DLG2: variants seen among roughly 807,000 people sequenced by gnomAD.
DLG2 encodes the protein disks large homolog 2.
DLG2 carries 45 observed loss-of-function variants against 132.5 expected under a neutral mutation model. The ratio of observed to expected loss-of-function variants is 0.34; its 90% CI spans 0.27 to 0.44. The LOEUF is 0.44. Among genes scored for constraint, DLG2 ranks in the 20% least tolerant of loss-of-function variants. The pLI is 1.00. For synonymous variants in DLG2, 424 were observed against 419.6 expected (o/e 1.01, Z -0.13); for missense variants, 1,045 against 1,196.9 (o/e 0.87, Z 1.87).
At chr11:85,623,285 A>C (rs2081847674) in intron 2 of DLG2, among the ~76,000 whole-genome samples, 3 of 152,176 alleles carry the variant, frequency 2.0e-5, no homozygotes, top group African/African-American at 7.2e-5. Context: ...ACCAGTTTAA[A>C]AGAAGCTCCG....
intron 6 of DLG2, among the ~76,000 whole-genome samples, chr11:84,661,282 G>A (rs2099694192): frequency 1.3e-5 from 2 of 152,068 alleles, no homozygotes; most frequent in Non-Finnish European, 2.9e-5. Flanking sequence ...TAAAAATGAA[G>A]GCTGAAAGCA....
At chr11:83,491,172 A>T (rs2093822721) in intron 21 of DLG2, among the ~76,000 whole-genome samples, 1 of 150,820 alleles carries the variant, frequency 6.6e-6, no homozygotes, top group Admixed American at 6.6e-5. Context: ...TACTACTTCA[A>T]ATCTAACACC....
At chr11:85,225,755 C>G (rs1330061948) in intron 4 of DLG2, among the ~76,000 whole-genome samples, 2 of 152,086 alleles carry the variant, frequency 1.3e-5, no homozygotes, top group Non-Finnish European at 2.9e-5. Flanking sequence ...CAGAGGTAGT[C>G]TCAAACATCC....
At chr11:84,245,780 T>A (rs114299118) in intron 8 of DLG2, among the ~76,000 whole-genome samples, 17 of 152,344 alleles carry the variant, frequency 1.1e-4, no homozygotes, top group African/African-American at 3.8e-4. Context: ...AAGTACAAGA[T>A]TTTTTCTTTT....
At chr11:84,361,981 G>A (rs1397535325) in intron 7 of DLG2, among the ~76,000 whole-genome samples, 3 of 151,884 alleles carry the variant, frequency 2.0e-5, no homozygotes, top group Non-Finnish European at 4.4e-5. Flanking sequence ...GGGAAAATGG[G>A]AGAAAAGAAC....
chr11:85,616,954 G>T (rs2153275788), intron 2 of DLG2, among the ~76,000 whole-genome samples: 1 of 152,288 alleles, frequency 6.6e-6, no homozygotes, highest in South Asian at 2.1e-4. Context: ...TCAGAAGTAA[G>T]CTGTTTTATA....
intron 6 of DLG2, among the ~76,000 whole-genome samples, chr11:84,563,221 C>A (rs193175096): frequency 1.9e-3 from 290 of 152,260 alleles, no homozygotes; most frequent in African/African-American, 6.6e-3. Flanking sequence ...GACTTTTCAA[C>A]CACGTCTGAT....
chr11:83,901,886 A>AT (rs904819860), intron 15 of DLG2, among the ~76,000 whole-genome samples: 22 of 151,518 alleles, frequency 1.5e-4, no homozygotes, highest in Admixed American at 4.6e-4. Context: ...AGTCTTCATG[A>AT]TTTTTTTTTG....
intron 6 of DLG2, among the ~76,000 whole-genome samples, chr11:84,962,979 G>C (rs1002506363): frequency 6.6e-6 from 1 of 152,126 alleles, no homozygotes; most frequent in Non-Finnish European, 1.5e-5. Context: ...AGTAGTTAGA[G>C]AGACTCATTA....
chr11:84,014,173 A>G (rs2095047695), intron 11 of DLG2, among the ~76,000 whole-genome samples: 1 of 151,894 alleles, frequency 6.6e-6, no homozygotes, highest in Admixed American at 6.6e-5. Context: ...GTAATTATGT[A>G]ATTTGATTAA....
At chr11:83,854,662 G>T (rs1029046562) in intron 16 of DLG2, among the ~76,000 whole-genome samples, 11 of 152,204 alleles carry the variant, frequency 7.2e-5, no homozygotes, top group African/African-American at 2.2e-4. Context: ...TACTGTAGGA[G>T]AAAATCTAGA....
intron 7 of DLG2, among the ~76,000 whole-genome samples, chr11:84,526,582 G>C (rs1341701044): frequency 6.6e-6 from 1 of 152,098 alleles, no homozygotes; most frequent in African/African-American, 2.4e-5. Context: ...GAGAGACAGA[G>C]AGAGAGCACA....
At chr11:85,140,390 T>G (rs937941110) in intron 5 of DLG2, among the ~76,000 whole-genome samples, 1 of 152,114 alleles carries the variant, frequency 6.6e-6, no homozygotes, top group African/African-American at 2.4e-5. Flanking sequence ...AAGAAAGGTA[T>G]GCACAGAATA....
At chr11:83,841,835 T>C (rs979537699) in intron 16 of DLG2, among the ~76,000 whole-genome samples, 1 of 152,176 alleles carries the variant, frequency 6.6e-6, no homozygotes, top group East Asian at 1.9e-4. Context: ...GTACCTATGT[T>C]GTGTTAGGCA....
chr11:84,341,225 T>C (rs986124771), intron 7 of DLG2, among the ~76,000 whole-genome samples: 3 of 152,150 alleles, frequency 2.0e-5, no homozygotes, highest in African/African-American at 2.4e-5. Flanking sequence ...TCTTAAGATA[T>C]ATATTAATAC....
At position 84,955,922 on chromosome 11, in the gene DLG2, C is replaced by T. The variant is rs149496590; in HGVS notation, c.357+155739G>A. 2.0e-3 allele frequency among the ~76,000 whole-genome samples: 306 copies of T among 152,286 alleles called. 1 individual carries two copies. Among genetic ancestry groups the T allele is most frequent in the Non-Finnish European group, 3.6e-3 (245 of 68,026 alleles). ...ATTATTTGACCTTTGTGGAAGTACA[C>T]ATTGGAACAACACCTGAAATTAAAT... On this transcript the variant is annotated intron_variant, in intron 6 of 27. Coordinates refer to ENST00000376104, the MANE Select transcript of DLG2 (RefSeq NM_001142699.3).
Position 84,518,224 on chromosome 11 carries a change from G to A in DLG2, c.519+16346C>T, listed in dbSNP as rs933077560. Among the ~76,000 whole-genome samples the A allele has an allele frequency of 5.5e-5, 5 of 90,848 alleles. 1 individual carries two copies. Among genetic ancestry groups the A allele is most frequent in the African/African-American group, 2.2e-4 (5 of 22,422 alleles). The allele number at this position is 90,848 out of a possible 152,430, so 59.6% of individuals were successfully genotyped here. ...TTCAGAACCTACAAAGAGTTTAATAGGCTACTACAGATATCACACACTGAT... is the reference window on the plus strand; with the variant it reads ...TTCAGAACCTACAAAGAGTTTAATAAGCTACTACAGATATCACACACTGAT... On this transcript the variant is annotated intron_variant, in intron 7 of 27. Transcript: ENST00000376104.
intron 6 of DLG2, among the ~76,000 whole-genome samples, chr11:85,110,948 A>T (rs1413205907): frequency 6.6e-6 from 1 of 152,118 alleles, no homozygotes; most frequent in Non-Finnish European, 1.5e-5. Context: ...TAATTCCAAG[A>T]GACACCACTG....
At chr11:84,899,677 GA>G (rs1180767990) in intron 6 of DLG2, among the ~76,000 whole-genome samples, 4 of 151,978 alleles carry the variant, frequency 2.6e-5, no homozygotes, top group Non-Finnish European at 5.9e-5. Flanking sequence ...AATTCCCCTA[GA>G]AATGGCAGTG....
Sources: allele counts gnomAD v4.1 joint callset (sites outside exome capture counted in the v4.1 genomes callset), GRCh38; gene constraint gnomAD v4.1.1; transcripts MANE v1.5; gene names NCBI Gene and HGNC (gene_info 2026-07-23, HGNC 2026-07-21).